The following SSBP4 variants were observed in gnomAD, a reference collection of about 807,000 sequenced individuals.
SSBP4 encodes single-stranded DNA-binding protein 4.
A neutral mutation model predicts 64.6 loss-of-function variants in SSBP4; 33 were observed. The ratio of observed to expected loss-of-function variants is 0.51; its 90% confidence interval spans 0.39 to 0.68. SSBP4 has a LOEUF of 0.68. Among genes scored for constraint, SSBP4 ranks in the 30% least tolerant of loss-of-function variants. SSBP4 has a pLI of 0.00. For synonymous variants in SSBP4, 243 were observed against 224.0 expected (o/e 1.08, Z -0.76); for missense variants, 583 against 566.8 (o/e 1.03, Z -0.29).
chr19:18,404,879 G>A, the SSBP4 span, among the ~76,000 whole-genome samples: 10 of 127,808 alleles, frequency 7.8e-5, no homozygotes, highest in Non-Finnish European at 1.1e-4. Flanking sequence ...GTAACAGAGC[G>A]AGACTCCATC....
At chr19:18,432,653 C>G in intron 11 of SSBP4, 47 bp from the exon 12 acceptor site, 1 of 1,554,732 alleles carries the variant, frequency 6.4e-7, no homozygotes, top group South Asian at 1.2e-5. Context: ...GGGAGGGACA[C>G]TGGGTGAGCC....
intron 11 of SSBP4, 30 bp from the exon 12 acceptor site, chr19:18,432,670 C>G: frequency 6.4e-7 from 1 of 1,559,046 alleles, no homozygotes; most frequent in Non-Finnish European, 8.7e-7. Flanking sequence ...AGCCGCCTGG[C>G]TGACTGCTCA....
intron 1 of SSBP4, 90 bp downstream of exon 1, chr19:18,419,797 G>A (rs1972300315): frequency 1.0e-6 from 1 of 990,138 alleles, no homozygotes; most frequent in African/African-American, 1.8e-5. Context: ...CGTGGGCGCG[G>A]GCGGCGGGGA....
chr19:18,409,181 G>A, the SSBP4 span, among the ~76,000 whole-genome samples: 1 of 141,286 alleles, frequency 7.1e-6, no homozygotes, highest in Admixed American at 7.1e-5. Context: ...CTATGGAGTG[G>A]CCATTCTTTT....
chr19:18,406,246 G>A, the SSBP4 span, among the ~76,000 whole-genome samples: 2 of 151,504 alleles, frequency 1.3e-5, no homozygotes, highest in Non-Finnish European at 2.9e-5. Context: ...TTCCCTTCTC[G>A]GGTTCAAGGG....
At position 18,426,646 on chromosome 19, in the gene SSBP4, G is replaced by A. The variant is rs1299682450; in HGVS notation, c.60-705G>A. 6.6e-6 allele frequency among the ~76,000 whole-genome samples: 1 copy of A among 152,194 alleles called. No homozygotes were observed. Among genetic ancestry groups the A allele is most frequent in the Non-Finnish European group, 1.5e-5 (1 of 68,012 alleles). On this transcript the variant is annotated intron_variant, in intron 1 of 17. Coordinates refer to ENST00000270061, the MANE Select transcript of SSBP4 (RefSeq NM_032627.5). The surrounding 1 kb of genome is among the most constrained non-coding windows in gnomAD (Gnocchi z 4.5). ...TGACTCAGGTCCAAGCCCTTGGGGT[G>A]CACAGTGGTTGGGAGGGTGAGTCCA...
intron 1 of SSBP4, among the ~76,000 whole-genome samples, chr19:18,421,332 C>T (rs952260862): frequency 6.6e-6 from 1 of 152,246 alleles, no homozygotes; most frequent in African/African-American, 2.4e-5. Flanking sequence ...AAACTGGCCT[C>T]TGGCTCCTGC....
upstream of SSBP4, among the ~76,000 whole-genome samples, chr19:18,417,235 AGCTCCAAGAGGTAGCAACGTGTCCCG>A (rs1972150766): frequency 6.6e-6 from 1 of 152,128 alleles, no homozygotes; most frequent in Admixed American, 6.6e-5. The surrounding 1 kb of genome is among the most constrained non-coding windows in gnomAD (Gnocchi z 5.4). Flanking sequence ...TCAGATTCTG[AGCTCCAAGAGGTAGCAACGTGTCCCG>A]GCTGGGTCTC....
chr19:18,421,191 C>A (rs1972441651), intron 1 of SSBP4, among the ~76,000 whole-genome samples: 2 of 152,238 alleles, frequency 1.3e-5, no homozygotes. Context: ...GCCTCTGGGT[C>A]ATTTTGGAGA....
chr19:18,431,758 A>G (rs1416811543), intron 7 of SSBP4, 35 bp from the exon 8 acceptor site: 2 of 1,538,150 alleles, frequency 1.3e-6, no homozygotes, highest in Non-Finnish European at 8.8e-7. Context: ...GGGAGGGAGC[A>G]CCCCACACTC....
Position 18,434,310 on chromosome 19 carries a change from G to C in SSBP4, c.*64G>C, listed in dbSNP as rs561400320. 1 of 1,586,952 alleles carries C rather than the reference G, an allele frequency of 6.3e-7. No homozygotes were observed. Among genetic ancestry groups the C allele is most frequent in the African/African-American group, 1.4e-5 (1 of 73,754 alleles). ...TCTGCCCAGCGCCCCTGCTCAGGGC[G>C]AGGGGCTGAGGTCACACCTCGGGCA... On this transcript the variant is annotated 3_prime_UTR_variant, in exon 18 of 18. Coordinates refer to ENST00000270061, the MANE Select transcript of SSBP4 (RefSeq NM_032627.5).
At chr19:18,408,409 CT>C in the SSBP4 span, among the ~76,000 whole-genome samples, 2 of 152,128 alleles carry the variant, frequency 1.3e-5, no homozygotes, top group Non-Finnish European at 2.9e-5. Context: ...CCCTTCCTGC[CT>C]CTTTAACCCC....
upstream of SSBP4, among the ~76,000 whole-genome samples, chr19:18,414,621 C>T (rs545013348): frequency 2.0e-5 from 3 of 152,248 alleles, no homozygotes; most frequent in East Asian, 5.8e-4. Context: ...GGTGGGGCTT[C>T]GATGTGTGGC....
chr19:18,410,026 C>T, the SSBP4 span, among the ~76,000 whole-genome samples: 1 of 152,200 alleles, frequency 6.6e-6, no homozygotes, highest in Non-Finnish European at 1.5e-5. Context: ...CGGAGTCTCG[C>T]TCTGTCGCCC....
At chr19:18,408,798 C>T in the SSBP4 span, among the ~76,000 whole-genome samples, 1 of 151,294 alleles carries the variant, frequency 6.6e-6, no homozygotes, top group East Asian at 2.0e-4. Context: ...GCCCAAACCA[C>T]CAAATTAAGA....
intron 15 of SSBP4, 71 bp from the exon 16 acceptor site, chr19:18,433,514 T>A: frequency 6.5e-7 from 1 of 1,534,270 alleles, no homozygotes; most frequent in Non-Finnish European, 8.8e-7. Flanking sequence ...CGAGGGTCGT[T>A]GGCCCCTGGA....
In SSBP4 at chr19:18,433,161, C is replaced by G. The variant is rs745971998; in HGVS notation, c.939C>G (p.Gly313=). The G allele has an allele frequency of 6.3e-7, 1 of 1,598,220 alleles. No individual in the cohort carries two copies. ...TCCCGCTCGGCCCTGGCCCGGAGGG[C>G]CCCATGGCCGCCATGAGCGCGATGG... ...ANFPLGPGPE[G]PMAAMSAMEP... Residue 313 remains glycine (G), a synonymous_variant, in exon 15 of 18, where the codon GGC becomes GGG. Coordinates refer to ENST00000270061, the MANE Select transcript of SSBP4 (RefSeq NM_032627.5).
At chr19:18,405,560 A>G in the SSBP4 span, among the ~76,000 whole-genome samples, 1 of 151,954 alleles carries the variant, frequency 6.6e-6, no homozygotes, top group Non-Finnish European at 1.5e-5. Context: ...CTGGAGTGCA[A>G]TGCTAAAATC....
At position 18,432,001 on chromosome 19, in the gene SSBP4, G is replaced by A; in HGVS notation, c.567G>A (p.Gly189=). 6.4e-7 allele frequency: 1 copy of A among 1,558,780 alleles called. No homozygotes were observed. Among genetic ancestry groups the A allele is most frequent in the Non-Finnish European group, 8.7e-7 (1 of 1,147,404 alleles). ...CCCCTTCCTTCTGCCCCACCCCAGG[G>A]CATCCGAGCATGGGCGGCCCAATGC... The part of the protein sequence containing the change: ...GAMEPSPRAQ[G]HPSMGGPMQR... Residue 189 remains glycine, a splice_region_variant and synonymous_variant, in exon 9 of 18, where the codon GGG becomes GGA. Coordinates refer to ENST00000270061, the MANE Select transcript of SSBP4 (RefSeq NM_032627.5).
Sources: gnomAD v4.1 joint callset for allele counts (sites outside exome capture counted in the v4.1 genomes callset) on GRCh38, gnomAD v4.1.1 for gene constraint, Gnocchi (gnomAD v3.1) non-coding constraint, MANE v1.5 for transcripts, NCBI Gene and HGNC (gene_info 2026-07-23, HGNC 2026-07-21) for gene names.